ELOVL5: variants seen among roughly 807,000 people sequenced by gnomAD.
ELOVL5 encodes ELOVL fatty acid elongase 5, also known as very long chain fatty acid elongase 5.
Under a neutral mutation model 38.6 loss-of-function variants are expected in ELOVL5, and 8 were observed. The observed-to-expected ratio is 0.21, with a 90% confidence interval of 0.12 to 0.37. The LOEUF (loss-of-function observed/expected upper bound fraction) is 0.37. Ranked by LOEUF, ELOVL5 falls within the 10% of genes least tolerant of loss-of-function variation. The pLI, the probability that ELOVL5 is intolerant of heterozygous loss-of-function variation, is 1.00. For missense variants in ELOVL5, 280 were observed against 367.8 expected, an observed-to-expected ratio of 0.76 and a Z score of 1.95; for synonymous variants, 127 against 133.7, an observed-to-expected ratio of 0.95 and a Z score of 0.34.
At chr6:53,283,566 T>C (rs1766445131) in intron 3 of ELOVL5, among the ~76,000 whole-genome samples, 2 of 152,072 alleles carry the variant, frequency 1.3e-5, no homozygotes, top group African/African-American at 4.8e-5. Flanking sequence ...TTCCATGTTA[T>C]GGAATAAAAA....
chr6:53,288,979 C>G (rs1360142487), intron 3 of ELOVL5, among the ~76,000 whole-genome samples: 1 of 152,140 alleles, frequency 6.6e-6, no homozygotes, highest in Non-Finnish European at 1.5e-5. Context: ...GGCGGGAGAT[C>G]AGTTGAGCCC....
intron 1 of ELOVL5, among the ~76,000 whole-genome samples, chr6:53,326,297 T>C (rs986080070): frequency 6.6e-6 from 1 of 152,164 alleles, no homozygotes; most frequent in East Asian, 1.9e-4. Flanking sequence ...ACATTGCACC[T>C]GAGTTCTTTT....
chr6:53,330,318 T>A (rs1323402240), intron 1 of ELOVL5, among the ~76,000 whole-genome samples: 1 of 152,112 alleles, frequency 6.6e-6, no homozygotes, highest in African/African-American at 2.4e-5. Context: ...GCACTTACCA[T>A]GAATAGACGT....
chr6:53,343,920 GCA>G (rs1769431684), intron 1 of ELOVL5, among the ~76,000 whole-genome samples: 1 of 152,246 alleles, frequency 6.6e-6, no homozygotes, highest in Non-Finnish European at 1.5e-5. Context: ...GCATCTGGCT[GCA>G]CCACCTTTGG....
intron 6 of ELOVL5, among the ~76,000 whole-genome samples, chr6:53,271,092 A>G (rs945960247): frequency 3.9e-5 from 6 of 152,346 alleles, no homozygotes; most frequent in Admixed American, 3.9e-4. Flanking sequence ...CTGGCTGGAC[A>G]TCCTTCCAAC....
chr6:53,293,329 T>C (rs1415081071), intron 2 of ELOVL5, among the ~76,000 whole-genome samples: 1 of 152,092 alleles, frequency 6.6e-6, no homozygotes, highest in African/African-American at 2.4e-5. Context: ...ATTTATTTAT[T>C]TATTCTGAGA....
intron 1 of ELOVL5, among the ~76,000 whole-genome samples, chr6:53,317,187 T>C (rs1433569315): frequency 2.0e-5 from 3 of 152,184 alleles, no homozygotes; most frequent in Non-Finnish European, 4.4e-5. Context: ...CAAATTGCTA[T>C]TTCCTTCACT....
At chr6:53,330,142 A>G (rs1768726478) in intron 1 of ELOVL5, among the ~76,000 whole-genome samples, 1 of 152,220 alleles carries the variant, frequency 6.6e-6, no homozygotes, top group Non-Finnish European at 1.5e-5. Flanking sequence ...TGCAGGCTAT[A>G]TGGTACAACC....
chr6:53,309,383 GA>G (rs1767730791), intron 1 of ELOVL5, among the ~76,000 whole-genome samples: 1 of 152,144 alleles, frequency 6.6e-6, no homozygotes, highest in Non-Finnish European at 1.5e-5. Flanking sequence ...TGGGTGATAG[GA>G]AGAACCTGAA....
rs375281159 is a variant in ELOVL5, at chr6:53,273,184, G to C, written c.621+36C>G. Reference sequence around the variant, plus strand: ...CCAGGAAGAGGTCTGTATCCACCAGGAAGTAAGTCCTGGGGAAAGAGGCCA... The same window carrying C: ...CCAGGAAGAGGTCTGTATCCACCAGCAAGTAAGTCCTGGGGAAAGAGGCCA... On this transcript the variant is annotated intron_variant, in intron 6 of 7. Coordinates refer to ENST00000304434, the MANE Select transcript of ELOVL5 (RefSeq NM_021814.5). The C allele has an allele frequency of 3.1e-6, 5 of 1,611,638 alleles. No individual in the cohort carries two copies. The African/African-American group carries it at 6.7e-5, about 22-fold the overall frequency.
intron 1 of ELOVL5, among the ~76,000 whole-genome samples, chr6:53,309,024 A>G (rs1227674689): frequency 1.3e-5 from 2 of 152,070 alleles, no homozygotes; most frequent in African/African-American, 2.4e-5. Flanking sequence ...TAACAAGCAT[A>G]CATTAATCCA....
intron 1 of ELOVL5, among the ~76,000 whole-genome samples, chr6:53,316,341 G>A (rs371662757): frequency 2.6e-5 from 4 of 152,214 alleles, no homozygotes; most frequent in African/African-American, 7.2e-5. Flanking sequence ...AGGATGGGTA[G>A]GGGTGGGGGG....
chr6:53,306,431 G>A (rs186042049), intron 1 of ELOVL5, among the ~76,000 whole-genome samples: 34 of 150,272 alleles, frequency 2.3e-4, no homozygotes, highest in Admixed American at 2.1e-3. Context: ...AAACATTCAA[G>A]GAAATTTCTT....
intron 1 of ELOVL5, among the ~76,000 whole-genome samples, chr6:53,304,436 C>CTTTTATTTTATTTTA (rs61664888): frequency 6.4e-4 from 97 of 150,838 alleles, no homozygotes; most frequent in African/African-American, 2.3e-3. Context: ...ACACACACCT[C>CTTTTATTTTATTTTA]TTTTATTTTA....
intron 4 of ELOVL5, among the ~76,000 whole-genome samples, chr6:53,275,596 G>C (rs566021736): frequency 6.6e-6 from 1 of 152,176 alleles, no homozygotes; most frequent in Non-Finnish European, 1.5e-5. Flanking sequence ...GAAGCAGCCT[G>C]CACAGCCATT....
chr6:53,273,096 A>G, intron 6 of ELOVL5, 124 bp downstream of exon 6: 1 of 1,056,926 alleles, frequency 9.5e-7, no homozygotes, highest in Non-Finnish European at 1.4e-6. Context: ...CAAGGAATTT[A>G]ATTACATCAA....
In ELOVL5 at chr6:53,267,921, A is replaced by G. The variant is rs1765795870; in HGVS notation, c.*1206T>C. On this transcript the variant is annotated 3_prime_UTR_variant, in exon 8 of 8. Transcript: ENST00000304434. ...GATGTGATTTTATGATAAGCAGTCT[A>G]TTATTTTTAAACAAGAGGTTCTAAA... The G allele has an allele frequency of 6.6e-6, 1 of 152,216 alleles. No homozygotes were observed. The highest frequency in any genetic ancestry group is 1.5e-5 in the Non-Finnish European group (1 of 68,018). 9.4% of individuals were successfully genotyped at this position (152,216 alleles called of 1,614,324 possible).
intron 3 of ELOVL5, among the ~76,000 whole-genome samples, chr6:53,288,598 CTTTTAA>C (rs1254513730): frequency 1.3e-5 from 2 of 152,162 alleles, no homozygotes; most frequent in Admixed American, 6.6e-5. Context: ...CTCTTCTCTC[CTTTTAA>C]TTTTGTTTCT....
intron 1 of ELOVL5, among the ~76,000 whole-genome samples, chr6:53,318,555 G>T: frequency 6.6e-6 from 1 of 152,244 alleles, no homozygotes; most frequent in Non-Finnish European, 1.5e-5. Context: ...GCAAAACGGT[G>T]AGACCCCGCC....
Sources: gnomAD v4.1 joint callset for allele counts (sites outside exome capture counted in the v4.1 genomes callset) on GRCh38, gnomAD v4.1.1 for gene constraint, MANE v1.5 for transcripts, NCBI Gene and HGNC (gene_info 2026-07-23, HGNC 2026-07-21) for gene names.